Variants in FYTTD1 observed in about 807,000 individuals in gnomAD.
The protein encoded by FYTTD1 is UAP56-interacting factor.
A neutral mutation model predicts 40.9 loss-of-function variants in FYTTD1; 22 were observed. The observed-to-expected ratio is 0.54, with a 90% CI of 0.38 to 0.77. FYTTD1 has a LOEUF of 0.77. Ranked by LOEUF, FYTTD1 falls within the 30% of genes least tolerant of loss-of-function variation. The pLI is 0.00. For synonymous variants in FYTTD1, 140 were observed against 137.9 expected, an observed-to-expected ratio of 1.01 and a Z score of -0.10; for missense variants, 351 against 392.2, an observed-to-expected ratio of 0.90 and a Z score of 0.89.
At chr3:197,750,432 G>C (rs1466904336) in intron 1 of FYTTD1, 4 of 1,020,288 alleles carry the variant, frequency 3.9e-6, no homozygotes, top group South Asian at 9.1e-5. Flanking sequence ...AAGATCTGCC[G>C]GTTTCCCCGG....
chr3:197,763,193 C>T (rs895761485), intron 2 of FYTTD1, among the ~76,000 whole-genome samples: 1 of 151,688 alleles, frequency 6.6e-6, no homozygotes, highest in Non-Finnish European at 1.5e-5. Flanking sequence ...GTGGGTGGAT[C>T]ACCTGAGGTC....
chr3:197,766,430 G>GGTTGTGTGTGT (rs1553909118), intron 2 of FYTTD1, among the ~76,000 whole-genome samples: 2 of 134,996 alleles, frequency 1.5e-5, no homozygotes, highest in Non-Finnish European at 3.1e-5. Context: ...GTTTGAGACT[G>GGTTGTGTGTGT]GTGTGTGTGT....
chr3:197,778,330 TC>T lies in FYTTD1; in HGVS notation c.732-7del. On this transcript the variant is annotated splice_polypyrimidine_tract_variant and splice_region_variant and intron_variant, in intron 7 of 8. Transcript: ENST00000241502. The stretch of plus-strand genomic sequence containing the variant: ...AGCTGCTCTGATATTTTAATATTTT[TC>T]TAATAGAACTCAGAAACCACGATTA... The T allele has an allele frequency of 6.3e-7, 1 of 1,586,572 alleles. No individual in the cohort carries two copies. Among genetic ancestry groups the T allele is most frequent in the Non-Finnish European group, 8.6e-7 (1 of 1,168,516 alleles).
rs1020892601 is a variant in FYTTD1 at position 197,768,474 on chromosome 3, G to A, written c.271G>A (p.Val91Ile). 6 of 1,612,426 alleles carry A rather than the reference G, an allele frequency of 3.7e-6. No individual in the cohort carries two copies. Among genetic ancestry groups the A allele is most frequent in the Non-Finnish European group, 5.1e-6 (6 of 1,178,626 alleles). The change falls in exon 3 of 9, where the codon GTA becomes ATA. Residue 91 changes from valine to isoleucine, a missense_variant. By Grantham distance (29) the Val-to-Ile change is conservative (BLOSUM62 3). Transcript: ENST00000241502. ...GKTSLNRRGR[V>I]MPGKRRPNGV... ...GACTAGTCTGAATCGTAGAGGAAGA[G>A]TAATGCCTGGAAAGAGACGTCCTAA...
At chr3:197,766,430 G>GGTGTGTGTGTGTGT (rs111725145) in intron 2 of FYTTD1, among the ~76,000 whole-genome samples, 18,874 of 134,828 alleles carry the variant, frequency 0.14, 1,628 homozygotes, top group Non-Finnish European at 0.18. Flanking sequence ...GTTTGAGACT[G>GGTGTGTGTGTGTGT]GTGTGTGTGT....
At chr3:197,766,430 G>GGTTGTGTGTGTGTGT (rs1553909118) in intron 2 of FYTTD1, among the ~76,000 whole-genome samples, 136 of 135,070 alleles carry the variant, frequency 1.0e-3, no homozygotes, top group Non-Finnish European at 1.3e-3. Flanking sequence ...GTTTGAGACT[G>GGTTGTGTGTGTGTGT]GTGTGTGTGT....
rs1159857405 is a variant in FYTTD1, at chr3:197,787,450, G to A, written c.*5541G>A. 1 of 152,216 alleles carries A rather than the reference G, an allele frequency of 6.6e-6. No homozygotes were observed. Among genetic ancestry groups the A allele is most frequent in the African/African-American group, 2.4e-5 (1 of 41,440 alleles). 9.4% of individuals were successfully genotyped at this position (152,216 alleles called of 1,614,324 possible). A position where few individuals can be genotyped will look rare whatever the true frequency, so the allele number is the denominator to read the frequency against. ...AGTGACCATGATATGTTTCTACTGA[G>A]TAGAAGGGGGAAGGGAGGACATAAC... On this transcript the variant is annotated 3_prime_UTR_variant, in exon 9 of 9. Transcript: ENST00000241502.
At chr3:197,772,767 G>C (rs1022384742) in intron 4 of FYTTD1, among the ~76,000 whole-genome samples, 1 of 152,084 alleles carries the variant, frequency 6.6e-6, no homozygotes, top group African/African-American at 2.4e-5. Flanking sequence ...TGCCACCAAG[G>C]CTGGCTAATT....
intron 8 of FYTTD1, among the ~76,000 whole-genome samples, chr3:197,780,621 C>T (rs1251716608): frequency 6.6e-6 from 1 of 151,848 alleles, no homozygotes; most frequent in Non-Finnish European, 1.5e-5. Flanking sequence ...TGGCTGACTG[C>T]AACCTCTGCC....
intron 2 of FYTTD1, among the ~76,000 whole-genome samples, chr3:197,761,883 T>C (rs535487700): frequency 6.6e-6 from 1 of 152,362 alleles, no homozygotes; most frequent in Admixed American, 6.5e-5. Flanking sequence ...AGGTAGCTTA[T>C]AAACAACAGA....
chr3:197,777,650 C>T (rs945218603), intron 7 of FYTTD1, among the ~76,000 whole-genome samples: 4 of 152,146 alleles, frequency 2.6e-5, no homozygotes, highest in African/African-American at 7.2e-5. Context: ...TACAGACCTA[C>T]GTTCTCTTTA....
chr3:197,773,522 T>TG (rs781015770), intron 5 of FYTTD1, 23 bp downstream of exon 5: 1 of 1,288,090 alleles, frequency 7.8e-7, no homozygotes, highest in Non-Finnish European at 1.1e-6. Flanking sequence ...TTTGGCAGTG[T>TG]TTTTGTTTGT....
At chr3:197,777,423 C>G (rs1429079235) in intron 7 of FYTTD1, among the ~76,000 whole-genome samples, 2 of 151,910 alleles carry the variant, frequency 1.3e-5, no homozygotes, top group Non-Finnish European at 2.9e-5. Flanking sequence ...ACCACCATGT[C>G]TGGCTTTTTT....
At chr3:197,781,256 A>G (rs144145593) in intron 8 of FYTTD1, among the ~76,000 whole-genome samples, 212 of 152,062 alleles carry the variant, frequency 1.4e-3, no homozygotes, top group African/African-American at 5.1e-3. Flanking sequence ...GGAAGTTGCA[A>G]TGAGCTGAGA....
chr3:197,778,489 C>T, intron 8 of FYTTD1, 25 bp downstream of exon 8: 4 of 1,541,510 alleles, frequency 2.6e-6, no homozygotes, highest in Non-Finnish European at 3.6e-6. Flanking sequence ...TCTGTATTTT[C>T]TTGGGTCATT....
At position 197,751,167 on chromosome 3, in the gene FYTTD1, C is replaced by T. The variant is rs572214162; in HGVS notation, c.103+1093C>T. Among the ~76,000 whole-genome samples, 11 of 152,278 alleles carry T rather than the reference C, an allele frequency of 7.2e-5. No individual in the cohort carries two copies. In the South Asian group the frequency reaches 1.7e-3, roughly 23 times the overall value. ...TCGGTTTTCATTTCTTCCCATTTGT[C>T]TTGTGTGTCTTTTGTTGTGGTTTAT... On this transcript the variant is annotated intron_variant, in intron 1 of 8. Coordinates refer to ENST00000241502, the MANE Select transcript of FYTTD1 (RefSeq NM_032288.7).
Position 197,785,968 on chromosome 3 carries a change from A to G in FYTTD1, c.*4059A>G, listed in dbSNP as rs1730144306. ...TTTTTTTTTAAATGATACTTCAGTA[A>G]ACACAGCATTTACAACAAGAATTGT... is the stretch of plus-strand genomic sequence containing the variant. On this transcript the variant is annotated 3_prime_UTR_variant, in exon 9 of 9. Coordinates refer to ENST00000241502, the MANE Select transcript of FYTTD1 (RefSeq NM_032288.7). 6.6e-6 allele frequency: 1 copy of G among 151,830 alleles called. No individual in the cohort carries two copies. The highest frequency in any genetic ancestry group is 1.5e-5 in the Non-Finnish European group (1 of 67,976). The allele number at this position is 151,830 out of a possible 1,614,324, so 9.4% of individuals were successfully genotyped here.
intron 2 of FYTTD1, among the ~76,000 whole-genome samples, chr3:197,768,076 C>G (rs997209057): frequency 6.6e-6 from 1 of 151,988 alleles, no homozygotes; most frequent in Non-Finnish European, 1.5e-5. Flanking sequence ...CTTGAAATAC[C>G]TCGATTCAGA....
In FYTTD1 at chr3:197,782,342, G is replaced by C. The variant is rs989600440; in HGVS notation, c.*433G>C. The C allele has an allele frequency of 1.3e-5, 2 of 152,652 alleles. No individual in the cohort carries two copies. The highest frequency in any genetic ancestry group is 2.9e-5 in the Non-Finnish European group (2 of 68,394). 9.5% of individuals were successfully genotyped at this position (152,652 alleles called of 1,614,324 possible). A position where few individuals can be genotyped will look rare whatever the true frequency, so the allele number is the denominator to read the frequency against. The stretch of plus-strand genomic sequence containing the variant: ...CTGTCACTTGCCCTTTAATAGTGTT[G>C]ATGTAGTCAGTGCCGTTGCCTTTTC... On this transcript the variant is annotated 3_prime_UTR_variant, in exon 9 of 9. Transcript: ENST00000241502.
Sources: gnomAD v4.1 joint callset for allele counts (sites outside exome capture counted in the v4.1 genomes callset) on GRCh38, gnomAD v4.1.1 for gene constraint, MANE v1.5 for transcripts, NCBI Gene and HGNC (gene_info 2026-07-23, HGNC 2026-07-21) for gene names.